Variants in MFN1 observed in about 807,000 individuals in gnomAD.
MFN1 encodes the protein mitofusin 1.
Under a neutral mutation model 92.4 loss-of-function variants are expected in MFN1, and 65 were observed. That is an observed-to-expected ratio of 0.70 (90% CI 0.58 to 0.86). The LOEUF (loss-of-function observed/expected upper bound fraction) is 0.86, where lower values mean the gene tolerates loss of function less well. Ranked by LOEUF, MFN1 falls within the 40% of genes least tolerant of loss-of-function variation. The pLI, the probability that MFN1 is intolerant of heterozygous loss-of-function variation, is 0.00. For synonymous variants in MFN1, 297 were observed against 300.9 expected, an observed-to-expected ratio of 0.99 and a Z score of 0.13; for missense variants, 781 against 868.0, an observed-to-expected ratio of 0.90 and a Z score of 1.26.
At position 179,367,486 on chromosome 3, in the gene MFN1, G is replaced by A; in HGVS notation, c.801G>A (p.Glu267=). Residue 267 remains glutamate, a synonymous_variant, in exon 8 of 18, where the codon GAG becomes GAA. Transcript: ENST00000471841. The stretch of plus-strand genomic sequence containing the variant: ...GATGCCTGCATTTCTTGGTGGAGGA[G>A]CTCAAAGTTGTAAATGCTTTAGAAG... ...MERCLHFLVE[E]LKVVNALEAQ... 1.2e-6 allele frequency: 2 copies of A among 1,613,670 alleles called. No individual in the cohort carries two copies. The highest frequency in any genetic ancestry group is 1.7e-6 in the Non-Finnish European group (2 of 1,179,826).
chr3:179,364,478 A>G, intron 6 of MFN1, 73 bp downstream of exon 6: 1 of 1,198,222 alleles, frequency 8.3e-7, no homozygotes, highest in Non-Finnish European at 1.2e-6. Flanking sequence ...CTGAAAAGCA[A>G]GGGAAATCCA....
At position 179,369,176 on chromosome 3, in the gene MFN1, C is replaced by G. The variant is rs540554974; in HGVS notation, c.975+1073C>G. 3.3e-5 allele frequency among the ~76,000 whole-genome samples: 5 copies of G among 151,806 alleles called. No individual in the cohort carries two copies. In the South Asian group the frequency reaches 1.0e-3, roughly 32 times the overall value. ...GACTATTGTTTGTTTTTTTTCTTTT[C>G]CTTTTGCTTTCACCAAAGGGTTGAT... On this transcript the variant is annotated intron_variant, in intron 9 of 17. Transcript: ENST00000471841.
chr3:179,390,412 A>G (rs959297794), intron 17 of MFN1, among the ~76,000 whole-genome samples: 1 of 152,146 alleles, frequency 6.6e-6, no homozygotes, highest in African/African-American at 2.4e-5. Context: ...ATCGAAATTT[A>G]CTCTTCATTA....
In MFN1 at chr3:179,393,110, G is replaced by A. The variant is rs1713971751; in HGVS notation, c.*1051G>A. On this transcript the variant is annotated 3_prime_UTR_variant, in exon 18 of 18. Transcript: ENST00000471841. ...TGCCTCCATTTGCACATTCATTTCAGTTATTTCTGATCCATAAATATAACA... is the reference window on the plus strand; with the variant it reads ...TGCCTCCATTTGCACATTCATTTCAATTATTTCTGATCCATAAATATAACA... 6.6e-6 allele frequency: 1 copy of A among 152,080 alleles called. No homozygotes were observed. The highest frequency in any genetic ancestry group is 1.5e-5 in the Non-Finnish European group (1 of 68,004). 9.4% of individuals were successfully genotyped at this position (152,080 alleles called of 1,614,324 possible). A position where few individuals can be genotyped will look rare whatever the true frequency, so the allele number is the denominator to read the frequency against.
intron 8 of MFN1, 90 bp from the exon 9 acceptor site, chr3:179,367,946 A>ATG: frequency 1.9e-6 from 1 of 535,216 alleles, no homozygotes; most frequent in Non-Finnish European, 2.6e-6. Context: ...ATATATATAT[A>ATG]TATATATTTA....
Position 179,385,650 on chromosome 3 carries a change from A to G in MFN1, c.1744A>G (p.Ile582Val). The G allele has an allele frequency of 6.2e-7, 1 of 1,613,526 alleles. No homozygotes were observed. Among genetic ancestry groups the G allele is most frequent in the Admixed American group, 1.7e-5 (1 of 59,996 alleles). ...PDNASQEELM[I>V]TLVTGLASVT... ...TAATGCATCACAGGAAGAACTCATG[A>G]TTACATTAGTAACAGGATTGGCGTC... Residue 582 changes from isoleucine to valine, a missense_variant, in exon 15 of 18, where the codon ATT becomes GTT. Coordinates refer to ENST00000471841, the MANE Select transcript of MFN1 (RefSeq NM_033540.3).
At chr3:179,377,200 C>A (rs1207668821) in intron 11 of MFN1, 32 bp downstream of exon 11, 2 of 1,591,616 alleles carry the variant, frequency 1.3e-6, no homozygotes, top group Non-Finnish European at 1.7e-6. Context: ...ATTAAAATAA[C>A]CTGGATGGAA....
intron 3 of MFN1, among the ~76,000 whole-genome samples, chr3:179,354,595 C>T (rs1712277773): frequency 6.6e-6 from 1 of 152,100 alleles, no homozygotes; most frequent in African/African-American, 2.4e-5. Flanking sequence ...CGGATGGGTC[C>T]ATAAAGTGAA....
chr3:179,386,147 T>C (rs1713676672), intron 15 of MFN1, among the ~76,000 whole-genome samples: 2 of 152,220 alleles, frequency 1.3e-5, no homozygotes, highest in South Asian at 4.1e-4. Flanking sequence ...TATGCTTGTT[T>C]TGGTTTTTGA....
At chr3:179,382,960 C>T (rs1479401343) in intron 14 of MFN1, among the ~76,000 whole-genome samples, 1 of 152,020 alleles carries the variant, frequency 6.6e-6, no homozygotes, top group Non-Finnish European at 1.5e-5. Flanking sequence ...TGTAGATTCT[C>T]GATATTACCC....
intron 9 of MFN1, among the ~76,000 whole-genome samples, chr3:179,368,548 T>C (rs1712895163): frequency 6.6e-6 from 1 of 152,248 alleles, no homozygotes. Context: ...AATTTTATTA[T>C]ATTTATATAC....
intron 9 of MFN1, among the ~76,000 whole-genome samples, chr3:179,369,257 G>C (rs1204476412): frequency 6.6e-6 from 1 of 152,014 alleles, no homozygotes; most frequent in East Asian, 1.9e-4. Flanking sequence ...TGTTATCCAG[G>C]CTGGAGTGCA....
rs1714044011 is a variant in MFN1 at position 179,394,876 on chromosome 3, AATT to A, written c.*2818_*2820del. The A allele has an allele frequency of 6.6e-6, 1 of 152,180 alleles. No homozygotes were observed. The highest frequency in any genetic ancestry group is 2.4e-5 in the African/African-American group (1 of 41,448). The allele number at this position is 152,180 out of a possible 1,614,324, so 9.4% of individuals were successfully genotyped here. Reference sequence around the variant, plus strand: ...AAACTTTGTATAATCTTTTTACAAAAATTTTTTTTCAGTATGCAAGCTTGCAAG... The same window carrying A: ...AAACTTTGTATAATCTTTTTACAAAATTTTTTCAGTATGCAAGCTTGCAAG... On this transcript the variant is annotated 3_prime_UTR_variant, in exon 18 of 18. Transcript: ENST00000471841.
At chr3:179,355,816 G>T (rs183071819) in intron 3 of MFN1, among the ~76,000 whole-genome samples, 2 of 152,180 alleles carry the variant, frequency 1.3e-5, no homozygotes, top group African/African-American at 2.4e-5. Flanking sequence ...ACTGGGTGTG[G>T]TGGTGCACTC....
chr3:179,389,345 C>A (rs951146431), intron 16 of MFN1, among the ~76,000 whole-genome samples: 5 of 152,172 alleles, frequency 3.3e-5, no homozygotes, highest in Admixed American at 2.0e-4. Context: ...TCCCACGCAG[C>A]AGTTCATGCT....
intron 14 of MFN1, among the ~76,000 whole-genome samples, chr3:179,385,059 C>T (rs1482493773): frequency 6.6e-6 from 1 of 151,320 alleles, no homozygotes; most frequent in Non-Finnish European, 1.5e-5. Context: ...GCATCCACCA[C>T]CTCGCTGGGC....
chr3:179,381,643 CAT>C (rs1713471260), intron 14 of MFN1, among the ~76,000 whole-genome samples: 1 of 152,162 alleles, frequency 6.6e-6, no homozygotes, highest in Non-Finnish European at 1.5e-5. Context: ...GCCAAACAAC[CAT>C]AGAGTGTTCA....
chr3:179,368,026 T>C lies in MFN1; in HGVS notation c.908-10T>C, dbSNP rs756710614. ...TACTAGGTTTTTAAATCTTTGCCTG[T>C]ACGTTACAGGTGTGGCACTTGCTGA... On this transcript the variant is annotated splice_polypyrimidine_tract_variant and intron_variant, in intron 8 of 17. Transcript: ENST00000471841. The C allele has an allele frequency of 2.8e-5, 42 of 1,514,272 alleles. No individual in the cohort carries two copies. Among genetic ancestry groups the C allele is most frequent in the Non-Finnish European group, 3.6e-5 (41 of 1,127,072 alleles). The allele number at this position is 1,514,272 out of a possible 1,614,324, so 93.8% of individuals were successfully genotyped here.
At chr3:179,374,232 G>C (rs1049183273) in intron 9 of MFN1, among the ~76,000 whole-genome samples, 12 of 150,250 alleles carry the variant, frequency 8.0e-5, no homozygotes, top group Non-Finnish European at 1.6e-4. Flanking sequence ...GAACCTAGGC[G>C]GTGGAGGTTG....
Sources: gnomAD v4.1 joint callset for allele counts (sites outside exome capture counted in the v4.1 genomes callset) on GRCh38, gnomAD v4.1.1 for gene constraint, MANE v1.5 for transcripts, NCBI Gene and HGNC (gene_info 2026-07-23, HGNC 2026-07-21) for gene names.